The following PDE1C variants were observed in gnomAD, a reference collection of about 807,000 sequenced individuals.
PDE1C encodes phosphodiesterase 1C.
In PDE1C, 62 loss-of-function variants were observed where a neutral mutation model predicts 93.1. That is an observed-to-expected ratio of 0.67 (90% CI 0.54 to 0.82). PDE1C has a LOEUF of 0.82. Ranked by LOEUF, PDE1C falls within the 40% of genes least tolerant of loss-of-function variation. PDE1C has a pLI of 0.00. For synonymous variants in PDE1C, 325 were observed against 310.1 expected (o/e 1.05, Z -0.50); for missense variants, 742 against 884.6 (o/e 0.84, Z 2.04).
intron 15 of PDE1C, among the ~76,000 whole-genome samples, chr7:31,814,312 A>AT (rs1787951815): frequency 2.0e-5 from 3 of 151,992 alleles, no homozygotes; most frequent in African/African-American, 7.2e-5. Flanking sequence ...ATTCTTTATA[A>AT]CTTTTTTTTC....
intron 2 of PDE1C, among the ~76,000 whole-genome samples, chr7:31,984,458 TCAC>T (rs1783104339): frequency 6.6e-6 from 1 of 152,170 alleles, no homozygotes; most frequent in African/African-American, 2.4e-5. Flanking sequence ...TGGATGCAGT[TCAC>T]CACCCACAGT....
In PDE1C at chr7:32,341,878, C is replaced by T. The variant is rs116042366; in HGVS notation, c.310+85944G>A. On this transcript the variant is annotated intron_variant, in intron 1 of 1. Transcript: ENST00000672256. ...GAATCTTAGCACTGCCACTTACCAGCTTGAGCAACTTATTTAAACTTTTTG... is the reference window on the plus strand; with the variant it reads ...GAATCTTAGCACTGCCACTTACCAGTTTGAGCAACTTATTTAAACTTTTTG... Among the ~76,000 whole-genome samples, 454 of 152,272 alleles carry T rather than the reference C, an allele frequency of 3.0e-3. 3 individuals are homozygous for T. Among genetic ancestry groups the T allele is most frequent in the African/African-American group, 0.01 (425 of 41,560 alleles).
At chr7:31,650,226 G>A in the PDE1C span, among the ~76,000 whole-genome samples, 2 of 152,030 alleles carry the variant, frequency 1.3e-5, no homozygotes, top group Admixed American at 6.6e-5. Context: ...TCTTAGAAAG[G>A]GCCTATGTCA....
chr7:31,632,575 G>T, the PDE1C span, among the ~76,000 whole-genome samples: 1 of 152,170 alleles, frequency 6.6e-6, no homozygotes, highest in African/African-American at 2.4e-5. Context: ...TTTATTTATT[G>T]ATTTCAAAAT....
At chr7:31,632,643 C>G in the PDE1C span, among the ~76,000 whole-genome samples, 1 of 152,142 alleles carries the variant, frequency 6.6e-6, no homozygotes. Context: ...TAAACTAACA[C>G]AACCTTAGGC....
intron 1 of PDE1C, among the ~76,000 whole-genome samples, chr7:32,281,723 C>G (rs1250172131): frequency 6.6e-6 from 1 of 152,158 alleles, no homozygotes; most frequent in Non-Finnish European, 1.5e-5. Context: ...CAGATGCACA[C>G]GTATGTTTGT....
chr7:32,038,784 C>T (rs746581797), intron 2 of PDE1C, among the ~76,000 whole-genome samples: 2 of 152,046 alleles, frequency 1.3e-5, no homozygotes, highest in Non-Finnish European at 2.9e-5. Context: ...CAAAAAGCAC[C>T]CTTTAAACAT....
rs566101115 is a variant in PDE1C at position 31,915,696 on chromosome 7, A to C, written c.129-34836T>G. Reference sequence around the variant, plus strand: ...GTTACTGTGATAATTTTTATATATTAGCAACTTAGAGAACTGTCTGGTAGA... The same window carrying C: ...GTTACTGTGATAATTTTTATATATTCGCAACTTAGAGAACTGTCTGGTAGA... On this transcript the variant is annotated intron_variant, in intron 2 of 17. Coordinates refer to ENST00000396191, the MANE Select transcript of PDE1C (RefSeq NM_001191057.4). Among the ~76,000 whole-genome samples, 3 of 152,322 alleles carry C rather than the reference A, an allele frequency of 2.0e-5. No individual in the cohort carries two copies. The South Asian group carries it at 6.2e-4, about 32-fold the overall frequency.
At chr7:31,694,555 C>T in the PDE1C span, among the ~76,000 whole-genome samples, 4 of 152,224 alleles carry the variant, frequency 2.6e-5, no homozygotes, top group African/African-American at 4.8e-5. Context: ...TTTAACCGTT[C>T]AACATCCATT....
intron 1 of PDE1C, among the ~76,000 whole-genome samples, chr7:32,423,922 T>A (rs1378299925): frequency 6.6e-6 from 1 of 152,228 alleles, no homozygotes; most frequent in African/African-American, 2.4e-5. Flanking sequence ...ATCAATAATG[T>A]CAGGATCTCT....
chr7:32,234,421 GA>G (rs540013091), intron 1 of PDE1C, among the ~76,000 whole-genome samples: 2 of 151,578 alleles, frequency 1.3e-5, no homozygotes, highest in Non-Finnish European at 3.0e-5. Flanking sequence ...CCAATATCAG[GA>G]AAAAAATAGG....
At chr7:31,869,767 C>T (rs1194359599) in intron 6 of PDE1C, among the ~76,000 whole-genome samples, 3 of 152,014 alleles carry the variant, frequency 2.0e-5, no homozygotes, top group South Asian at 2.1e-4. Context: ...CCAAATGGAC[C>T]TAATAGACAC....
At chr7:31,789,199 C>T (rs1247757791) in intron 16 of PDE1C, 2 of 152,296 alleles carry the variant, frequency 1.3e-5, no homozygotes, top group African/African-American at 4.8e-5. Context: ...TTTACTTGCA[C>T]TCCCTTAGAT....
Position 32,241,384 on chromosome 7 carries a change from G to C in PDE1C, c.86-31845C>G, listed in dbSNP as rs1370101509. Among the ~76,000 whole-genome samples, 4 of 152,162 alleles carry C rather than the reference G, an allele frequency of 2.6e-5. No homozygotes were observed. In the South Asian group the frequency reaches 6.2e-4, roughly 24 times the overall value. ...CAAGTGAAGAAGATGTTTTAAGAAG[G>C]AGGGAGTGGCCAACCATGTCAAATG... On this transcript the variant is annotated intron_variant, in intron 1 of 18. Transcript: ENST00000396193.
intron 2 of PDE1C, among the ~76,000 whole-genome samples, chr7:32,044,599 C>A (rs1792273152): frequency 6.6e-6 from 1 of 151,876 alleles, no homozygotes; most frequent in Admixed American, 6.6e-5. Flanking sequence ...AGAGGCCACC[C>A]AATACTCTAA....
chr7:31,697,447 G>A, the PDE1C span, among the ~76,000 whole-genome samples: 16 of 152,212 alleles, frequency 1.1e-4, no homozygotes, highest in Non-Finnish European at 2.1e-4. Flanking sequence ...CACGGATTTT[G>A]CGTCTTATGG....
the PDE1C span, among the ~76,000 whole-genome samples, chr7:31,659,761 T>G: frequency 1.6e-4 from 24 of 152,338 alleles, no homozygotes; most frequent in African/African-American, 5.8e-4. Context: ...TTGTGTGGCC[T>G]TCTGCAAAAC....
At chr7:31,897,549 A>T (rs17160659) in intron 2 of PDE1C, among the ~76,000 whole-genome samples, 12,810 of 152,224 alleles carry the variant, frequency 0.084, 649 homozygotes, top group African/African-American at 0.14. Context: ...ATAATTTGAC[A>T]TACTTCACTT....
At chr7:31,713,729 G>A in the PDE1C span, among the ~76,000 whole-genome samples, 3 of 152,188 alleles carry the variant, frequency 2.0e-5, no homozygotes, top group African/African-American at 7.2e-5. Context: ...TGACTTCTGT[G>A]CACTCGCAGG....
Sources: gnomAD v4.1 joint callset for allele counts (sites outside exome capture counted in the v4.1 genomes callset) on GRCh38, gnomAD v4.1.1 for gene constraint, MANE v1.5 for transcripts, NCBI Gene and HGNC (gene_info 2026-07-23, HGNC 2026-07-21) for gene names.